IFT46: variants seen among roughly 807,000 people sequenced by gnomAD.
The protein encoded by IFT46 is intraflagellar transport protein 46 homolog.
IFT46 carries 19 observed loss-of-function variants against 39.6 expected under a neutral mutation model. The observed-to-expected ratio is 0.48, with a 90% CI of 0.33 to 0.70. IFT46 has a LOEUF of 0.70. Ranked by LOEUF, IFT46 falls within the 30% of genes least tolerant of loss-of-function variation. The probability of loss-of-function intolerance (pLI) is 0.01; values close to 1 mark genes in which losing one functional copy is unlikely to be tolerated. For missense variants in IFT46, 334 were observed against 364.8 expected, an observed-to-expected ratio of 0.92 and a Z score of 0.69; for synonymous variants, 117 against 134.8, an observed-to-expected ratio of 0.87 and a Z score of 0.91.
chr11:118,561,374 A>G, intron 2 of IFT46: 1 of 850,624 alleles, frequency 1.2e-6, no homozygotes, highest in East Asian at 2.4e-5. Context: ...CATAAAGAAG[A>G]GCGTAACTCC....
chr11:118,576,287 C>A (rs1213553298), upstream of IFT46, among the ~76,000 whole-genome samples: 6 of 150,802 alleles, frequency 4.0e-5, no homozygotes, highest in South Asian at 1.3e-3. Flanking sequence ...CAAAGCTCAA[C>A]TTTATGAGGG....
rs1937656742 is a variant in IFT46, at chr11:118,551,982, G to C, written c.606-130C>G. ...ATCAGGAAGGCTTCAGGAGAACCTA[G>C]ACTGGGCATACCAAAGTTACCCAGG... is the stretch of plus-strand genomic sequence containing the variant. On this transcript the variant is annotated intron_variant, in intron 8 of 11. Coordinates refer to ENST00000264021, the MANE Select transcript of IFT46 (RefSeq NM_001168618.2). The C allele has an allele frequency of 7.6e-6, 8 of 1,058,456 alleles. No homozygotes were observed. In the Admixed American group the frequency reaches 1.3e-4, roughly 17 times the overall value. 65.6% of individuals were successfully genotyped at this position (1,058,456 alleles called of 1,614,324 possible).
At chr11:118,564,898 A>C (rs1555071190) in intron 2 of IFT46, 67 bp downstream of exon 2, 1 of 152,536 alleles carries the variant, frequency 6.6e-6, no homozygotes, top group Non-Finnish European at 1.5e-5. Flanking sequence ...TAAAATAAGA[A>C]CTTCTTGAAG....
chr11:118,572,296 C>T (rs1036245462), intron 1 of IFT46: 4 of 511,736 alleles, frequency 7.8e-6, no homozygotes, highest in African/African-American at 3.9e-5. Flanking sequence ...ACCTCCTGGG[C>T]TTAATCGTAA....
chr11:118,544,820 C>A lies in IFT46; in HGVS notation c.*96G>T. 2 of 851,346 alleles carry A rather than the reference C, an allele frequency of 2.3e-6. No individual in the cohort carries two copies. Among genetic ancestry groups the A allele is most frequent in the South Asian group, 2.9e-5 (2 of 68,246 alleles). 52.7% of individuals were successfully genotyped at this position (851,346 alleles called of 1,614,324 possible). A position where few individuals can be genotyped will look rare whatever the true frequency, so the allele number is the denominator to read the frequency against. ...GCACTGCCCCTGAGCCAAGCTGTGG[C>A]ATGGGCAAGGACATCAAGTAGCTGA... is the stretch of plus-strand genomic sequence containing the variant. On this transcript the variant is annotated 3_prime_UTR_variant, in exon 12 of 12. Transcript: ENST00000264021.
chr11:118,571,026 C>A (rs1024174855), upstream of IFT46, among the ~76,000 whole-genome samples: 23 of 152,082 alleles, frequency 1.5e-4, no homozygotes, highest in African/African-American at 5.1e-4. Flanking sequence ...TAGGATCATG[C>A]CACCATGCCT....
At chr11:118,551,953 G>A (rs972471458) in intron 8 of IFT46, 101 bp from the exon 9 acceptor site, 2 of 1,231,886 alleles carry the variant, frequency 1.6e-6, no homozygotes, top group African/African-American at 1.5e-5. Context: ...CTTCAATCTG[G>A]CACATCAGGA....
At chr11:118,556,843 C>T (rs1937852742) in intron 4 of IFT46, 63 bp downstream of exon 4, 1 of 1,455,034 alleles carries the variant, frequency 6.9e-7, no homozygotes, top group South Asian at 1.7e-5. Context: ...GACGTCCTCC[C>T]ACTCCAGTGT....
upstream of IFT46, among the ~76,000 whole-genome samples, chr11:118,569,528 T>G (rs1555072071): frequency 6.6e-6 from 1 of 152,176 alleles, no homozygotes; most frequent in Non-Finnish European, 1.5e-5. Context: ...TTCTAAAGAT[T>G]TCTATTAGAA....
intron 2 of IFT46, chr11:118,561,409 G>C (rs1465996778): frequency 2.4e-6 from 2 of 824,594 alleles, no homozygotes; most frequent in Non-Finnish European, 4.2e-6. Context: ...AGATGTATAA[G>C]AAAGCTCATG....
intron 1 of IFT46, chr11:118,572,280 C>CA (rs1362797589): frequency 1.4e-5 from 7 of 489,234 alleles, no homozygotes; most frequent in Non-Finnish European, 2.6e-5. Flanking sequence ...GGTGAACGCC[C>CA]CCTACACCTC....
chr11:118,555,171 CT>C, intron 5 of IFT46, 76 bp downstream of exon 5: 1 of 1,533,378 alleles, frequency 6.5e-7, no homozygotes, highest in Non-Finnish European at 9.0e-7. Context: ...GGGAATGGCC[CT>C]GTTTCAGACT....
At chr11:118,551,935 G>A in intron 8 of IFT46, 83 bp from the exon 9 acceptor site, 3 of 1,352,698 alleles carry the variant, frequency 2.2e-6, no homozygotes, top group Non-Finnish European at 2.1e-6. Flanking sequence ...CTAGGATGAA[G>A]GAGAGGTCTT....
chr11:118,547,744 CTT>C lies in IFT46; in HGVS notation c.673-1893_673-1892del, dbSNP rs1233612951. On this transcript the variant is annotated intron_variant, in intron 9 of 11. Transcript: ENST00000264021. ...GCTCCTTTTACTTTTCTTTTCTTTT[CTT>C]TTTTTTTTTTTTTTTTTTGAGACAG... Among the ~76,000 whole-genome samples, 16 of 91,180 alleles carry C rather than the reference CTT, an allele frequency of 1.8e-4. No individual in the cohort carries two copies. The East Asian group carries it at 3.1e-3, about 17-fold the overall frequency. 59.8% of individuals were successfully genotyped at this position (91,180 alleles called of 152,430 possible). A position where few individuals can be genotyped will look rare whatever the true frequency, so the allele number is the denominator to read the frequency against.
intron 10 of IFT46, 28 bp from the exon 11 acceptor site, chr11:118,545,522 A>C (rs1555066864): frequency 6.4e-7 from 1 of 1,571,422 alleles, no homozygotes; most frequent in Admixed American, 1.7e-5. Flanking sequence ...TTCCAGGAAC[A>C]GAAGCAAACA....
At chr11:118,566,700 AT>A (rs1338024917), upstream of IFT46, among the ~76,000 whole-genome samples, 1 of 151,916 alleles carries the variant, frequency 6.6e-6, no homozygotes, top group Admixed American at 6.6e-5. Flanking sequence ...CTCAAAAAAA[AT>A]TTTTTTTCAC....
At chr11:118,571,091 C>G (rs1034264264) in intron 1 of IFT46, among the ~76,000 whole-genome samples, 1 of 152,120 alleles carries the variant, frequency 6.6e-6, no homozygotes, top group African/African-American at 2.4e-5. Context: ...CACTAATTAA[C>G]TGTCACTCTC....
At chr11:118,558,249 T>C (rs1937907951) in intron 3 of IFT46, among the ~76,000 whole-genome samples, 3 of 152,244 alleles carry the variant, frequency 2.0e-5, no homozygotes, top group Admixed American at 6.5e-5. Context: ...AATTCAAGAT[T>C]TGCCAAAATT....
exon 1 of IFT46, chr11:118,572,824 C>T (rs1382325768): frequency 9.3e-6 from 4 of 431,584 alleles, no homozygotes; most frequent in South Asian, 9.8e-5. Flanking sequence ...CTGAGACGGC[C>T]CGGCGTTTTT....
Sources: gnomAD v4.1 joint callset for allele counts (sites outside exome capture counted in the v4.1 genomes callset) on GRCh38, gnomAD v4.1.1 for gene constraint, MANE v1.5 for transcripts, NCBI Gene and HGNC (gene_info 2026-07-23, HGNC 2026-07-21) for gene names.